PTPRD: variants seen among roughly 807,000 people sequenced by gnomAD.
PTPRD encodes the protein receptor-type tyrosine-protein phosphatase delta.
PTPRD carries 34 observed loss-of-function variants against 214.5 expected under a neutral mutation model. That is an observed-to-expected ratio of 0.16 (90% CI 0.12 to 0.21). The LOEUF (loss-of-function observed/expected upper bound fraction) is 0.21. Ranked by LOEUF, PTPRD falls within the 10% of genes least tolerant of loss-of-function variation. The pLI is 1.00. For missense variants in PTPRD, 2,545 were observed against 2,398.7 expected, an observed-to-expected ratio of 1.06 and a Z score of -1.27; for synonymous variants, 1,128 against 845.7, an observed-to-expected ratio of 1.33 and a Z score of -5.79.
chr9:10,320,682 T>C (rs1426026979), intron 3 of PTPRD, among the ~76,000 whole-genome samples: 1 of 152,024 alleles, frequency 6.6e-6, no homozygotes, highest in African/African-American at 2.4e-5. Flanking sequence ...TAGAAACTAC[T>C]ACTGAGACCA....
chr9:9,723,776 G>C (rs2098017962), intron 7 of PTPRD, among the ~76,000 whole-genome samples: 2 of 151,936 alleles, frequency 1.3e-5, no homozygotes, highest in African/African-American at 4.8e-5. Flanking sequence ...ATACTGTTTT[G>C]AATAGAAGTG....
chr9:8,762,556 A>C (rs2094475779), intron 11 of PTPRD, among the ~76,000 whole-genome samples: 1 of 152,182 alleles, frequency 6.6e-6, no homozygotes, highest in South Asian at 2.1e-4. Context: ...CGGAGGAGAG[A>C]AAGCAATACA....
chr9:8,315,672 C>T lies in PTPRD; in HGVS notation c.*2202G>A. On this transcript the variant is annotated 3_prime_UTR_variant, in exon 46 of 46. Transcript: ENST00000381196. ...TTTTTTTCTTTTTCTTTGTTTTTTACAAAAGTGCTCAAATACAATGCTTGC... is the reference window on the plus strand; with the variant it reads ...TTTTTTTCTTTTTCTTTGTTTTTTATAAAAGTGCTCAAATACAATGCTTGC... The T allele has an allele frequency of 4.4e-6, 1 of 226,406 alleles. No individual in the cohort carries two copies. The highest frequency in any genetic ancestry group is 8.8e-6 in the Non-Finnish European group (1 of 114,002). The allele number at this position is 226,406 out of a possible 1,614,324, so 14.0% of individuals were successfully genotyped here. A position where few individuals can be genotyped will look rare whatever the true frequency, so the allele number is the denominator to read the frequency against.
chr9:9,588,402 T>C (rs567566096), intron 7 of PTPRD, among the ~76,000 whole-genome samples: 38 of 152,070 alleles, frequency 2.5e-4, no homozygotes, highest in African/African-American at 8.7e-4. Flanking sequence ...AGAGGAAAAA[T>C]TGAAGACATG....
intron 2 of PTPRD, among the ~76,000 whole-genome samples, chr9:10,594,932 C>A (rs141116933): frequency 6.6e-6 from 1 of 151,950 alleles, no homozygotes. Context: ...ACAAATTTTA[C>A]TTTCATGTTG....
In PTPRD at chr9:9,119,329, C is replaced by A. The variant is rs114571347; in HGVS notation, c.-143+63975G>T. ...AATAACAAAAAAATGAGCCTTCCTT[C>A]CAATGTCTCAGAAATCTGATTTAGC... On this transcript the variant is annotated intron_variant, in intron 10 of 45. Transcript: ENST00000381196. Among the ~76,000 whole-genome samples, 1,287 of 152,168 alleles carry A rather than the reference C, an allele frequency of 8.5e-3. 19 individuals carry two copies. Among genetic ancestry groups the A allele is most frequent in the African/African-American group, 0.029 (1,220 of 41,496 alleles).
chr9:8,602,234 A>G (rs1456653857), intron 14 of PTPRD, among the ~76,000 whole-genome samples: 2 of 152,206 alleles, frequency 1.3e-5, no homozygotes, highest in Non-Finnish European at 2.9e-5. Flanking sequence ...AAAACTGTGA[A>G]CATGTTTTCA....
intron 2 of PTPRD, among the ~76,000 whole-genome samples, chr9:10,478,306 T>G (rs552793656): frequency 2.0e-5 from 3 of 152,316 alleles, no homozygotes; most frequent in African/African-American, 7.2e-5. Context: ...ACCCACATGT[T>G]GTATAAAATA....
intron 2 of PTPRD, among the ~76,000 whole-genome samples, chr9:10,405,380 T>G (rs2098337062): frequency 6.6e-6 from 1 of 151,634 alleles, no homozygotes; most frequent in African/African-American, 2.4e-5. Context: ...ACAAATCTGT[T>G]AACAAGAAAA....
chr9:8,614,646 C>G (rs982795512), intron 14 of PTPRD, among the ~76,000 whole-genome samples: 25 of 151,972 alleles, frequency 1.6e-4, no homozygotes, highest in African/African-American at 5.6e-4. Context: ...GGAGTTTATG[C>G]AAGAAATAAG....
At position 8,339,987 on chromosome 9, in the gene PTPRD, CTTCATAAGTAG is replaced by C. The variant is rs1453094463; in HGVS notation, c.5253+345_5253+355del. Reference sequence around the variant, plus strand: ...TCAGGAAGAAAAGAAAGTCAAGTTCCTTCATAAGTAGAAATGATGGCACATCAAACTCTAGC... The same window carrying C: ...TCAGGAAGAAAAGAAAGTCAAGTTCCAAATGATGGCACATCAAACTCTAGC... On this transcript the variant is annotated intron_variant, in intron 42 of 45. Coordinates refer to ENST00000381196, the MANE Select transcript of PTPRD (RefSeq NM_002839.4). Among the ~76,000 whole-genome samples, 21 of 152,100 alleles carry C rather than the reference CTTCATAAGTAG, an allele frequency of 1.4e-4. No individual in the cohort carries two copies. The East Asian group carries it at 2.9e-3, about 21-fold the overall frequency.
chr9:8,371,783 G>A (rs2081600938), intron 39 of PTPRD, among the ~76,000 whole-genome samples: 1 of 152,010 alleles, frequency 6.6e-6, no homozygotes, highest in African/African-American at 2.4e-5. Flanking sequence ...CATCAAGGTT[G>A]AACACCATCA....
At chr9:10,017,714 A>T (rs1567118618) in intron 4 of PTPRD, among the ~76,000 whole-genome samples, 1 of 152,102 alleles carries the variant, frequency 6.6e-6, no homozygotes, top group African/African-American at 2.4e-5. Flanking sequence ...TGGAATCTGT[A>T]TTCTGTTCTT....
At chr9:10,485,028 ATT>A (rs34004774) in intron 2 of PTPRD, among the ~76,000 whole-genome samples, 6 of 149,432 alleles carry the variant, frequency 4.0e-5, no homozygotes, top group South Asian at 2.1e-4. Flanking sequence ...TTTTTACTTG[ATT>A]TTTTTTTTGC....
chr9:9,211,558 C>A (rs887601134), intron 9 of PTPRD, among the ~76,000 whole-genome samples: 3 of 133,338 alleles, frequency 2.2e-5, no homozygotes, highest in African/African-American at 5.5e-5. Context: ...CACACACACA[C>A]AAGAGCTAAG....
At chr9:9,222,012 T>C (rs1472977793) in intron 9 of PTPRD, among the ~76,000 whole-genome samples, 1 of 152,070 alleles carries the variant, frequency 6.6e-6, no homozygotes, top group African/African-American at 2.4e-5. Context: ...TGTTATAAAA[T>C]TCATAATAAA....
intron 7 of PTPRD, among the ~76,000 whole-genome samples, chr9:9,715,148 C>A (rs2097796092): frequency 6.6e-6 from 1 of 152,208 alleles, no homozygotes; most frequent in Non-Finnish European, 1.5e-5. Context: ...CTGGACTTCA[C>A]ATTTTCTGTA....
At chr9:8,703,270 CTCTT>C (rs1565409942) in intron 12 of PTPRD, among the ~76,000 whole-genome samples, 11 of 152,144 alleles carry the variant, frequency 7.2e-5, no homozygotes. Context: ...GTTTAAAGTG[CTCTT>C]TTTTTGTTAA....
intron 2 of PTPRD, among the ~76,000 whole-genome samples, chr9:10,592,803 A>G (rs2075780307): frequency 6.6e-6 from 1 of 152,020 alleles, no homozygotes. Context: ...AAAGTAGCCA[A>G]TCGCAGGGAG....
Sources: gnomAD v4.1 joint callset for allele counts (sites outside exome capture counted in the v4.1 genomes callset) on GRCh38, gnomAD v4.1.1 for gene constraint, MANE v1.5 for transcripts, NCBI Gene and HGNC (gene_info 2026-07-23, HGNC 2026-07-21) for gene names.